Variants in MTAP observed in about 807,000 individuals in gnomAD.
MTAP encodes S-methyl-5'-thioadenosine phosphorylase.
Under a neutral mutation model 33.6 loss-of-function variants are expected in MTAP, and 33 were observed. The ratio of observed to expected loss-of-function variants is 0.98; its 90% CI spans 0.74 to 1.31. MTAP has a LOEUF of 1.31. Among genes scored for constraint, MTAP ranks in the 40% most tolerant of loss-of-function variants. The probability of loss-of-function intolerance (pLI) is 0.00; values close to 1 mark genes in which losing one functional copy is unlikely to be tolerated. For synonymous variants in MTAP, 148 were observed against 125.7 expected (o/e 1.18, Z -1.19); for missense variants, 367 against 360.0 (o/e 1.02, Z -0.16).
Position 21,863,267 on chromosome 9 carries a change from G to A in MTAP, c.*1253G>A, listed in dbSNP as rs1825788958. 1.0e-6 allele frequency: 1 copy of A among 983,396 alleles called. No homozygotes were observed. The highest frequency in any genetic ancestry group is 1.2e-6 in the Non-Finnish European group (1 of 828,234). The allele number at this position is 983,396 out of a possible 1,614,324, so 60.9% of individuals were successfully genotyped here. A position where few individuals can be genotyped will look rare whatever the true frequency, so the allele number is the denominator to read the frequency against. ...TTGGTAATTTTTGCTTTTTAATAAA[G>A]TGGAAGCTTGCTTTTTTAACTCTTT... On this transcript the variant is annotated 3_prime_UTR_variant, in exon 8 of 8. Transcript: ENST00000644715.
chr9:21,831,488 C>T (rs1354181812), intron 4 of MTAP, among the ~76,000 whole-genome samples: 2 of 125,708 alleles, frequency 1.6e-5, no homozygotes, highest in Non-Finnish European at 3.5e-5. Context: ...TGCCACTGTG[C>T]TTGGTAATTT....
chr9:21,812,610 T>G (rs1180485489), intron 1 of MTAP, among the ~76,000 whole-genome samples: 1 of 152,192 alleles, frequency 6.6e-6, no homozygotes, highest in African/African-American at 2.4e-5. Context: ...TGTCATTGTT[T>G]CCTGAGGGTG....
chr9:21,827,136 G>T (rs1824842212), intron 4 of MTAP, among the ~76,000 whole-genome samples: 1 of 152,194 alleles, frequency 6.6e-6, no homozygotes, highest in African/African-American at 2.4e-5. Flanking sequence ...ATTCCTGGTA[G>T]AAATAATTGC....
chr9:21,830,614 C>T (rs1824942692), intron 4 of MTAP, among the ~76,000 whole-genome samples: 1 of 152,254 alleles, frequency 6.6e-6, no homozygotes, highest in South Asian at 2.1e-4. Flanking sequence ...CATTAAAAGG[C>T]TCTCATAAGA....
At chr9:21,861,692 G>T in intron 7 of MTAP, 1 of 422,814 alleles carries the variant, frequency 2.4e-6, no homozygotes. Context: ...AATAATCCAG[G>T]CTGGGGGCTG....
intron 1 of MTAP, among the ~76,000 whole-genome samples, chr9:21,913,732 T>A (rs528453565): frequency 3.3e-5 from 5 of 152,232 alleles, no homozygotes; most frequent in African/African-American, 7.2e-5. Context: ...GGACTTCATG[T>A]CTAAAACACC....
intron 4 of MTAP, among the ~76,000 whole-genome samples, chr9:21,836,749 G>A (rs1825118688): frequency 6.6e-6 from 1 of 152,174 alleles, no homozygotes. Flanking sequence ...GGAGGAGCTC[G>A]GATGGGGTTT....
At position 21,909,893 on chromosome 9, in the gene MTAP, C is replaced by T. The variant is rs529774733; in HGVS notation, c.148-21115C>T. On this transcript the variant is annotated intron_variant, in intron 1 of 1. Transcript: ENST00000577563. ...AACTTGCCCAAGCCACACATAATAACAGTGGCATAACCAGAATTCAGAATT... is the reference window on the plus strand; with the variant it reads ...AACTTGCCCAAGCCACACATAATAATAGTGGCATAACCAGAATTCAGAATT... Among the ~76,000 whole-genome samples, 4 of 152,272 alleles carry T rather than the reference C, an allele frequency of 2.6e-5. No homozygotes were observed. The South Asian group carries it at 6.2e-4, about 24-fold the overall frequency.
intron 1 of MTAP, chr9:21,803,036 A>ACACACACACACACACACACACACC (rs1020757334): frequency 1.3e-5 from 14 of 1,039,788 alleles, no homozygotes; most frequent in African/African-American, 1.3e-4. Flanking sequence ...ACACACACAC[A>ACACACACACACACACACACACACC]CCACCTTTTG....
chr9:21,864,062 T>C lies in MTAP; in HGVS notation c.*2048T>C. 1 of 985,512 alleles carries C rather than the reference T, an allele frequency of 1.0e-6. No homozygotes were observed. Among genetic ancestry groups the C allele is most frequent in the South Asian group, 4.7e-5 (1 of 21,290 alleles). The allele number at this position is 985,512 out of a possible 1,614,324, so 61.0% of individuals were successfully genotyped here. A position where few individuals can be genotyped will look rare whatever the true frequency, so the allele number is the denominator to read the frequency against. The stretch of plus-strand genomic sequence containing the variant: ...TACATAGATGGTACCTTACTTTTCC[T>C]CATTCTTAATAGGTGTCTAAGAATG... On this transcript the variant is annotated 3_prime_UTR_variant, in exon 8 of 8. Transcript: ENST00000644715.
intron 4 of MTAP, among the ~76,000 whole-genome samples, chr9:21,829,042 T>G (rs922382219): frequency 6.6e-6 from 1 of 152,352 alleles, no homozygotes; most frequent in East Asian, 1.9e-4. Flanking sequence ...TAGCAGAAGA[T>G]GCCTTGTGGT....
chr9:21,815,093 T>G (rs1010775702), intron 1 of MTAP, among the ~76,000 whole-genome samples: 1 of 152,244 alleles, frequency 6.6e-6, no homozygotes, highest in Non-Finnish European at 1.5e-5. Flanking sequence ...CTACCATACT[T>G]GCCTACTTTT....
chr9:21,819,640 C>G (rs1056710660), intron 4 of MTAP, among the ~76,000 whole-genome samples: 3 of 152,104 alleles, frequency 2.0e-5, no homozygotes, highest in Non-Finnish European at 2.9e-5. Context: ...ATTTATAATC[C>G]TTTGGGTATA....
chr9:21,920,442 C>T (rs1021037824), intron 1 of MTAP, among the ~76,000 whole-genome samples: 25 of 152,110 alleles, frequency 1.6e-4, no homozygotes, highest in African/African-American at 6.0e-4. Context: ...TGAGCATGGG[C>T]AAATTCAGGT....
At chr9:21,858,611 C>T (rs1223208543) in intron 6 of MTAP, among the ~76,000 whole-genome samples, 1 of 152,202 alleles carries the variant, frequency 6.6e-6, no homozygotes, top group Non-Finnish European at 1.5e-5. Flanking sequence ...CCTGAGGATG[C>T]TGCTAAACCA....
At chr9:21,842,297 T>C (rs1487948579) in intron 5 of MTAP, among the ~76,000 whole-genome samples, 1 of 152,156 alleles carries the variant, frequency 6.6e-6, no homozygotes, top group Non-Finnish European at 1.5e-5. Flanking sequence ...TAAGAATAAT[T>C]GGTGTTCCTG....
At chr9:21,811,548 T>C (rs79254031) in intron 1 of MTAP, 1 of 350,444 alleles carries the variant, frequency 2.9e-6, no homozygotes, top group Non-Finnish European at 5.7e-6. Context: ...GACATGGCTG[T>C]CATAGAACAG....
At chr9:21,803,772 G>A (rs1332882011) in intron 1 of MTAP, among the ~76,000 whole-genome samples, 3 of 152,088 alleles carry the variant, frequency 2.0e-5, no homozygotes, top group African/African-American at 7.2e-5. Context: ...GGGATAGGAA[G>A]GTCTGCGATC....
intron 4 of MTAP, among the ~76,000 whole-genome samples, chr9:21,822,360 T>G (rs980216414): frequency 6.6e-6 from 1 of 152,226 alleles, no homozygotes; most frequent in Non-Finnish European, 1.5e-5. Context: ...AAAGAACATC[T>G]TTATTTCTGC....
Sources: gnomAD v4.1 joint callset for allele counts (sites outside exome capture counted in the v4.1 genomes callset) on GRCh38, gnomAD v4.1.1 for gene constraint, MANE v1.5 for transcripts, NCBI Gene and HGNC (gene_info 2026-07-23, HGNC 2026-07-21) for gene names.